The following TMEM260 variants were observed in gnomAD, a reference collection of about 807,000 sequenced individuals.
TMEM260 encodes the protein protein O-mannosyl-transferase TMEM260.
In TMEM260, 82 loss-of-function variants were observed where a neutral mutation model predicts 88.9. That is an observed-to-expected ratio of 0.92 (90% CI 0.77 to 1.11). The LOEUF is 1.11. TMEM260 is among the 50% of genes least tolerant of loss of function. The probability of loss-of-function intolerance (pLI) is 0.00; values close to 1 mark genes in which losing one functional copy is unlikely to be tolerated. For missense variants in TMEM260, 902 were observed against 853.4 expected, an observed-to-expected ratio of 1.06 and a Z score of -0.71; for synonymous variants, 314 against 309.3, an observed-to-expected ratio of 1.02 and a Z score of -0.16.
chr14:56,601,000 G>A (rs1350938282), intron 3 of TMEM260, among the ~76,000 whole-genome samples: 1 of 152,182 alleles, frequency 6.6e-6, no homozygotes, highest in East Asian at 1.9e-4. Flanking sequence ...TTAGTGGGGA[G>A]ATGGAGAGAG....
chr14:56,643,418 A>C lies in TMEM260; in HGVS notation c.1870-3825A>C, dbSNP rs1189242568. On this transcript the variant is annotated intron_variant, in intron 15 of 15. Transcript: ENST00000261556. ...AACCAAAGACAAAAACCACATGATT[A>C]TCTCAATAGATGCAGAAAAGGCCTT... 1.4e-4 allele frequency among the ~76,000 whole-genome samples: 22 copies of C among 152,328 alleles called. No homozygotes were observed. The East Asian group carries it at 4.2e-3, about 29-fold the overall frequency.
At position 56,625,147 on chromosome 14, in the gene TMEM260, G is replaced by A. The variant is rs114157500; in HGVS notation, c.1399-235G>A. 6.5e-3 allele frequency among the ~76,000 whole-genome samples: 997 copies of A among 152,230 alleles called. 10 individuals are homozygous for A. Among genetic ancestry groups the A allele is most frequent in the African/African-American group, 0.022 (913 of 41,528 alleles). On this transcript the variant is annotated intron_variant, in intron 11 of 15. Transcript: ENST00000261556. ...AAGGTCCTTCTGGGGAGTCAAATGC[G>A]GGAGGTAAATTGGAAGAAGGTACTG... is the stretch of plus-strand genomic sequence containing the variant.
chr14:56,655,584 G>A (rs906164252), downstream of TMEM260, among the ~76,000 whole-genome samples: 3 of 152,048 alleles, frequency 2.0e-5, no homozygotes, highest in African/African-American at 7.2e-5. Context: ...TCTTTCACTT[G>A]TCCCTTGCTG....
intron 15 of TMEM260, among the ~76,000 whole-genome samples, chr14:56,644,637 C>T (rs945960801): frequency 6.6e-6 from 1 of 151,994 alleles, no homozygotes; most frequent in Non-Finnish European, 1.5e-5. Context: ...GCAACAAAAG[C>T]CAAAATTGAC....
chr14:56,602,855 A>T (rs1886661697), intron 3 of TMEM260, among the ~76,000 whole-genome samples: 1 of 152,174 alleles, frequency 6.6e-6, no homozygotes, highest in Non-Finnish European at 1.5e-5. Flanking sequence ...ACTACCCTGT[A>T]ACTTTTTATA....
At chr14:56,645,844 C>T (rs150996606) in intron 15 of TMEM260, among the ~76,000 whole-genome samples, 688 of 152,138 alleles carry the variant, frequency 4.5e-3, no homozygotes, top group Admixed American at 9.0e-3. Flanking sequence ...AGGATGATGA[C>T]AAAAAGGGTA....
In TMEM260 at chr14:56,603,909, A is replaced by G; in HGVS notation, c.439A>G (p.Ser147Gly). The change falls in exon 4 of 16, where the codon AGC becomes GGC. Residue 147 changes from serine to glycine, a missense_variant. Ser to Gly is a moderately conservative substitution (Grantham distance 56). Coordinates refer to ENST00000261556, the MANE Select transcript of TMEM260 (RefSeq NM_017799.4). ...WQWSIAAEVF[S>G]LNNLFVGLLM... ...GTGGTCCATTGCAGCAGAGGTTTTTAGCTTAAACAATCTCTTTGTGGGGCT... is the reference window on the plus strand; with the variant it reads ...GTGGTCCATTGCAGCAGAGGTTTTTGGCTTAAACAATCTCTTTGTGGGGCT... 1 of 1,613,642 alleles carries G rather than the reference A, an allele frequency of 6.2e-7. No homozygotes were observed. The highest frequency in any genetic ancestry group is 8.5e-7 in the Non-Finnish European group (1 of 1,179,838).
chr14:56,659,261 G>GTTTTTTTTTTTTTT, the TMEM260 span, among the ~76,000 whole-genome samples: 1 of 140,376 alleles, frequency 7.1e-6, no homozygotes, highest in Non-Finnish European at 1.5e-5. Flanking sequence ...TTTGGTTTTT[G>GTTTTTTTTTTTTTT]TTTTTTTTTT....
intron 3 of TMEM260, among the ~76,000 whole-genome samples, chr14:56,592,671 T>G (rs1885938381): frequency 6.6e-6 from 1 of 152,228 alleles, no homozygotes; most frequent in Admixed American, 6.5e-5. Flanking sequence ...ATTTGCTGTT[T>G]ATTTTATCCT....
At chr14:56,610,540 C>T (rs987445693) in intron 6 of TMEM260, among the ~76,000 whole-genome samples, 4 of 152,114 alleles carry the variant, frequency 2.6e-5, no homozygotes, top group Non-Finnish European at 5.9e-5. Context: ...CCGCGCCCGG[C>T]CAGTGAGGTT....
chr14:56,590,239 C>T (rs1885767329), intron 3 of TMEM260, among the ~76,000 whole-genome samples: 1 of 152,110 alleles, frequency 6.6e-6, no homozygotes, highest in Non-Finnish European at 1.5e-5. Context: ...GCTCAAATAG[C>T]AGCGCTTCAT....
chr14:56,646,138 C>G (rs1034486170), intron 15 of TMEM260, among the ~76,000 whole-genome samples: 2 of 152,178 alleles, frequency 1.3e-5, no homozygotes, highest in Middle Eastern at 3.4e-3. Flanking sequence ...GGGAAATTTG[C>G]TTTAAAAGGA....
At position 56,609,203 on chromosome 14, in the gene TMEM260, C is replaced by T; in HGVS notation, c.734C>T (p.Ala245Val). 35 of 1,614,124 alleles carry T rather than the reference C, an allele frequency of 2.2e-5. No individual in the cohort carries two copies. Among genetic ancestry groups the T allele is most frequent in the Non-Finnish European group, 3.0e-5 (35 of 1,180,018 alleles). Reference sequence around the variant, plus strand: ...CCCATCTCATCTTACCTTAATCACGCCCGGTGGACCTGGGGAGACCAGACA... The same window carrying T: ...CCCATCTCATCTTACCTTAATCACGTCCGGTGGACCTGGGGAGACCAGACA... ...HLPISSYLNH[A>V]RWTWGDQTTL... Residue 245 changes from alanine to valine, a missense_variant, in exon 6 of 16, where the codon GCC becomes GTC. By Grantham distance (64) the Ala-to-Val change is moderately conservative. Transcript: ENST00000261556.
chr14:56,593,245 C>G (rs1885975962), intron 3 of TMEM260: 1 of 152,138 alleles, frequency 6.6e-6, no homozygotes, highest in African/African-American at 2.4e-5. Context: ...AATTCTGTTG[C>G]TCACATTTGA....
At chr14:56,602,073 TTTCA>T (rs1886612615) in intron 3 of TMEM260, among the ~76,000 whole-genome samples, 1 of 152,198 alleles carries the variant, frequency 6.6e-6, no homozygotes, top group Non-Finnish European at 1.5e-5. Context: ...TAATTTGTTC[TTTCA>T]TTCAGTAAGT....
Position 56,617,207 on chromosome 14 carries a change from A to G in TMEM260, c.966A>G (p.Val322=), listed in dbSNP as rs1887645712. 2 of 1,600,456 alleles carry G rather than the reference A, an allele frequency of 1.2e-6. No homozygotes were observed. The highest frequency in any genetic ancestry group is 8.5e-7 in the Non-Finnish European group (1 of 1,174,710). The change falls in exon 9 of 16, where the codon GTA becomes GTG. Residue 322 remains valine, a synonymous_variant. Coordinates refer to ENST00000261556, the MANE Select transcript of TMEM260 (RefSeq NM_017799.4). ...GGGACAGACAGAATCCATCATTAGTATGGCTTTTTACTGGAATGTTTTGCA... is the reference window on the plus strand; with the variant it reads ...GGGACAGACAGAATCCATCATTAGTGTGGCTTTTTACTGGAATGTTTTGCA... ...ATKDRQNPSL[V]WLFTGMFCIY...
the TMEM260 span, among the ~76,000 whole-genome samples, chr14:56,658,028 A>G: frequency 6.6e-6 from 1 of 152,278 alleles, no homozygotes; most frequent in South Asian, 2.1e-4. Context: ...AGGAGGCGAG[A>G]GGTAATAAAA....
At chr14:56,626,721 A>G (rs946093703) in intron 12 of TMEM260, among the ~76,000 whole-genome samples, 2 of 152,204 alleles carry the variant, frequency 1.3e-5, no homozygotes, top group Non-Finnish European at 2.9e-5. Context: ...TTCATTCAGC[A>G]TTTATTTAAT....
the TMEM260 span, among the ~76,000 whole-genome samples, chr14:56,656,117 T>G: frequency 6.6e-6 from 1 of 152,118 alleles, no homozygotes; most frequent in African/African-American, 2.4e-5. Context: ...TTGGAGTAAG[T>G]TTTTAAAGTT....
Sources: allele counts gnomAD v4.1 joint callset (sites outside exome capture counted in the v4.1 genomes callset), GRCh38; gene constraint gnomAD v4.1.1; transcripts MANE v1.5; gene names NCBI Gene and HGNC (gene_info 2026-07-23, HGNC 2026-07-21).